Variants in TAOK1 observed in about 807,000 individuals in gnomAD.
TAOK1 encodes serine/threonine-protein kinase TAO1.
TAOK1 carries 21 observed loss-of-function variants against 138.3 expected under a neutral mutation model. The ratio of observed to expected loss-of-function variants is 0.15; its 90% CI spans 0.11 to 0.22. The LOEUF is 0.22. Ranked by LOEUF, TAOK1 falls within the 10% of genes least tolerant of loss-of-function variation. The probability of loss-of-function intolerance (pLI) is 1.00; values close to 1 mark genes in which losing one functional copy is unlikely to be tolerated. For missense variants in TAOK1, 651 were observed against 1,227.7 expected (o/e 0.53, Z 7.02); for synonymous variants, 361 against 398.4 (o/e 0.91, Z 1.12).
At chr17:29,430,297 T>A (rs751423163) in intron 1 of TAOK1, among the ~76,000 whole-genome samples, 5 of 152,080 alleles carry the variant, frequency 3.3e-5, no homozygotes, top group Non-Finnish European at 7.4e-5. Context: ...CCCCTAGAAG[T>A]TTCCCATTGG....
intron 2 of TAOK1, among the ~76,000 whole-genome samples, chr17:29,457,552 C>T (rs560743168): frequency 3.4e-5 from 5 of 148,972 alleles, no homozygotes; most frequent in East Asian, 2.0e-4. Flanking sequence ...ATTACAGGTG[C>T]GCACCACCAT....
chr17:29,469,732 C>A (rs2030767514), intron 3 of TAOK1, among the ~76,000 whole-genome samples: 1 of 152,074 alleles, frequency 6.6e-6, no homozygotes. Context: ...TTAGTCACAC[C>A]TAGAACAAAA....
At chr17:29,498,247 T>A in intron 11 of TAOK1, 71 bp from the exon 12 acceptor site, 2 of 1,525,952 alleles carry the variant, frequency 1.3e-6, no homozygotes, top group Admixed American at 1.7e-5. Context: ...GCTAGGTGCT[T>A]ATAGTCAAGA....
At chr17:29,393,452 A>G (rs1904491450) in intron 1 of TAOK1, among the ~76,000 whole-genome samples, 1 of 152,208 alleles carries the variant, frequency 6.6e-6, no homozygotes, top group East Asian at 1.9e-4. Context: ...TTCATGATCA[A>G]TTAGATAAAT....
At chr17:29,437,224 C>T (rs960356170) in intron 1 of TAOK1, among the ~76,000 whole-genome samples, 3 of 151,632 alleles carry the variant, frequency 2.0e-5, no homozygotes, top group Non-Finnish European at 2.9e-5. Context: ...CCACCACGCC[C>T]GGCTAATTTT....
chr17:29,399,609 C>T (rs1470714556), intron 1 of TAOK1, among the ~76,000 whole-genome samples: 2 of 152,200 alleles, frequency 1.3e-5, no homozygotes, highest in African/African-American at 4.8e-5. Flanking sequence ...GCCACTGCGC[C>T]TGGTGATATT....
At chr17:29,533,831 G>GAAAGAGAGGGAGAGGGAGACCGTGA (rs1211613559) in intron 18 of TAOK1, among the ~76,000 whole-genome samples, 1 of 116,198 alleles carries the variant, frequency 8.6e-6, no homozygotes. Flanking sequence ...GGAGACCGTG[G>GAAAGAGAGGGAGAGGGAGACCGTGA]GGAGAGGGAG....
rs187281056 is a variant in TAOK1, at chr17:29,532,257, A to G, written c.2361+1638A>G. Among the ~76,000 whole-genome samples the G allele has an allele frequency of 7.0e-4, 107 of 152,060 alleles. 1 individual carries two copies. In the South Asian group the frequency reaches 0.019, roughly 28 times the overall value. On this transcript the variant is annotated intron_variant, in intron 18 of 19. Transcript: ENST00000261716. ...CCTGCTCATACTTTGCTTGTAGACT[A>G]TAGTTTGCTGGTCTTTGTTCTATAG...
intron 2 of TAOK1, among the ~76,000 whole-genome samples, chr17:29,452,907 C>A (rs965252495): frequency 6.6e-6 from 1 of 152,002 alleles, no homozygotes; most frequent in Non-Finnish European, 1.5e-5. Context: ...GGGTTGTTTC[C>A]ACTTTTGACT....
At chr17:29,426,435 A>AAGTATAGT (rs1370522129) in intron 1 of TAOK1, among the ~76,000 whole-genome samples, 1 of 152,186 alleles carries the variant, frequency 6.6e-6, no homozygotes, top group Non-Finnish European at 1.5e-5. Context: ...GGAAGACAGT[A>AAGTATAGT]AGTATAGTAG....
intron 1 of TAOK1, among the ~76,000 whole-genome samples, chr17:29,439,990 T>C (rs2029892389): frequency 6.6e-6 from 1 of 152,086 alleles, no homozygotes; most frequent in Admixed American, 6.6e-5. Flanking sequence ...AAAAGTAATC[T>C]TTTAGGAGAA....
At chr17:29,540,877 G>A (rs543937312) in intron 19 of TAOK1, among the ~76,000 whole-genome samples, 2 of 151,920 alleles carry the variant, frequency 1.3e-5, no homozygotes, top group East Asian at 3.9e-4. Context: ...GCCAATTTTT[G>A]TATTTTTAGT....
chr17:29,483,292 G>A (rs2031100813), intron 8 of TAOK1, among the ~76,000 whole-genome samples: 1 of 152,006 alleles, frequency 6.6e-6, no homozygotes, highest in South Asian at 2.1e-4. Flanking sequence ...TGCCCAGGCT[G>A]GTCTTGAACT....
intron 7 of TAOK1, 58 bp from the exon 8 acceptor site, chr17:29,482,139 C>A: frequency 7.7e-7 from 1 of 1,296,152 alleles, no homozygotes; most frequent in South Asian, 1.2e-5. Flanking sequence ...GTTACATTCT[C>A]AAAGGATAGA....
At chr17:29,423,193 T>G (rs1307195610) in intron 1 of TAOK1, among the ~76,000 whole-genome samples, 1 of 150,180 alleles carries the variant, frequency 6.7e-6, no homozygotes, top group Non-Finnish European at 1.5e-5. Flanking sequence ...ATCTGGATGC[T>G]TATATTTTGG....
intron 1 of TAOK1, among the ~76,000 whole-genome samples, chr17:29,393,289 A>C (rs1023315743): frequency 6.6e-6 from 1 of 152,180 alleles, no homozygotes; most frequent in Non-Finnish European, 1.5e-5. Flanking sequence ...GGATTTATCA[A>C]TAGAGGCTAC....
chr17:29,473,096 A>G (rs531380620), intron 3 of TAOK1, among the ~76,000 whole-genome samples: 4 of 152,322 alleles, frequency 2.6e-5, no homozygotes, highest in Admixed American at 6.5e-5. Flanking sequence ...TATTCACTAA[A>G]CCATGCTTAA....
intron 17 of TAOK1, among the ~76,000 whole-genome samples, chr17:29,525,975 G>A (rs1350356861): frequency 2.0e-5 from 3 of 152,100 alleles, no homozygotes; most frequent in African/African-American, 4.8e-5. Flanking sequence ...CTAGCCTGGC[G>A]ACAGAGCGAG....
intron 15 of TAOK1, chr17:29,513,128 C>G (rs569459642): frequency 8.0e-6 from 1 of 125,780 alleles, no homozygotes; most frequent in African/African-American, 3.1e-5. Context: ...TGTGATACAT[C>G]GATTGATTTT....
Sources: gnomAD v4.1 joint callset for allele counts (sites outside exome capture counted in the v4.1 genomes callset) on GRCh38, gnomAD v4.1.1 for gene constraint, MANE v1.5 for transcripts, NCBI Gene and HGNC (gene_info 2026-07-23, HGNC 2026-07-21) for gene names.